Variants in OSBPL3 observed in about 807,000 individuals in gnomAD.
OSBPL3 encodes oxysterol-binding protein-related protein 3.
OSBPL3 carries 65 observed loss-of-function variants against 120.1 expected under a neutral mutation model. The ratio of observed to expected loss-of-function variants is 0.54; its 90% CI spans 0.44 to 0.67. OSBPL3 has a LOEUF of 0.67. Ranked by LOEUF, OSBPL3 falls within the 30% of genes least tolerant of loss-of-function variation. OSBPL3 has a pLI of 0.00. For missense variants in OSBPL3, 1,004 were observed against 1,082.1 expected (o/e 0.93, Z 1.01); for synonymous variants, 416 against 402.6 (o/e 1.03, Z -0.40).
In OSBPL3 at chr7:24,803,576, T is replaced by C. The variant is rs533913250; in HGVS notation, c.2567+739A>G. On this transcript the variant is annotated intron_variant, in intron 22 of 22. Coordinates refer to ENST00000313367, the MANE Select transcript of OSBPL3 (RefSeq NM_015550.4). This position sits in a 1 kb window ranked among gnomAD's most constrained non-coding sequence, Gnocchi z 4.2. Reference sequence around the variant, plus strand: ...TCACGAGGTCAGGAGATTGAGACCATCCTGGCCAACAAGGTGAAACCCCGT... The same window carrying C: ...TCACGAGGTCAGGAGATTGAGACCACCCTGGCCAACAAGGTGAAACCCCGT... 3.1e-4 allele frequency among the ~76,000 whole-genome samples: 47 copies of C among 152,136 alleles called. No homozygotes were observed. The highest frequency in any genetic ancestry group is 6.8e-3 in the Middle Eastern group (2 of 294).
At position 24,805,005 on chromosome 7, in the gene OSBPL3, G is replaced by C. The variant is rs1247462954; in HGVS notation, c.2445-568C>G. ...GACAATTTCCTATGGATAGACATTT[G>C]AATCATTTGAATCATTTTAATGTGA... On this transcript the variant is annotated intron_variant, in intron 21 of 22. Coordinates refer to ENST00000313367, the MANE Select transcript of OSBPL3 (RefSeq NM_015550.4). This position sits in a 1 kb window ranked among gnomAD's most constrained non-coding sequence, Gnocchi z 4.0. 1.3e-5 allele frequency among the ~76,000 whole-genome samples: 2 copies of C among 152,124 alleles called. No homozygotes were observed. The highest frequency in any genetic ancestry group is 4.8e-5 in the African/African-American group (2 of 41,416).
Position 24,964,892 on chromosome 7 carries a change from G to C in OSBPL3, c.-150+14994C>G, listed in dbSNP as rs1249560671. Among the ~76,000 whole-genome samples, 3 of 152,268 alleles carry C rather than the reference G, an allele frequency of 2.0e-5. 1 individual carries two copies. The South Asian group carries it at 6.2e-4, about 32-fold the overall frequency. ...GCTGTGATTAAAATAAGTAAAGTTG[G>C]ACAAACATTGAGCAATACCTAAGCA... On this transcript the variant is annotated intron_variant, in intron 1 of 22. Coordinates refer to ENST00000313367, the MANE Select transcript of OSBPL3 (RefSeq NM_015550.4). This position sits in a 1 kb window ranked among gnomAD's most constrained non-coding sequence, Gnocchi z 4.2.
In OSBPL3 at chr7:24,883,136, C is replaced by A. The variant is rs1267071581; in HGVS notation, c.96+9241G>T. Among the ~76,000 whole-genome samples, 4 of 152,094 alleles carry A rather than the reference C, an allele frequency of 2.6e-5. No homozygotes were observed. Among genetic ancestry groups the A allele is most frequent in the Non-Finnish European group, 5.9e-5 (4 of 68,014 alleles). On this transcript the variant is annotated intron_variant, in intron 2 of 22. Coordinates refer to ENST00000313367, the MANE Select transcript of OSBPL3 (RefSeq NM_015550.4). The surrounding 1 kb of genome is among the most constrained non-coding windows in gnomAD (Gnocchi z 5.4). The stretch of plus-strand genomic sequence containing the variant: ...TCACTACACAGGGCCCCAGGGACCA[C>A]GGGGCCAAGATGTGCCAGGAATGTG...
chr7:24,816,778 T>A, intron 17 of OSBPL3, 90 bp from the exon 18 acceptor site: 1 of 824,294 alleles, frequency 1.2e-6, no homozygotes, highest in Non-Finnish European at 2.1e-6. Context: ...AATCGCTATA[T>A]AGTACAACCT....
intron 2 of OSBPL3, among the ~76,000 whole-genome samples, chr7:24,886,646 T>C (rs781366689): frequency 6.6e-6 from 1 of 152,200 alleles, no homozygotes; most frequent in Non-Finnish European, 1.5e-5. Flanking sequence ...CTATGAGAAA[T>C]AAAAGGATGT....
rs764157743 is a variant in OSBPL3, at chr7:24,827,890, G to T, written c.1884+2878C>A. On this transcript the variant is annotated intron_variant, in intron 16 of 22. Coordinates refer to ENST00000313367, the MANE Select transcript of OSBPL3 (RefSeq NM_015550.4). The surrounding 1 kb of genome is among the most constrained non-coding windows in gnomAD (Gnocchi z 5.1). ...ACATCAAGTCCCCTTCAAACTACTT[G>T]TACTAGAAGTGGAGATATAGCATAT... is the stretch of plus-strand genomic sequence containing the variant. 6.6e-6 allele frequency among the ~76,000 whole-genome samples: 1 copy of T among 152,122 alleles called. No homozygotes were observed. Among genetic ancestry groups the T allele is most frequent in the African/African-American group, 2.4e-5 (1 of 41,408 alleles).
Position 24,930,338 on chromosome 7 carries a change from G to C in OSBPL3, c.-149-37717C>G, listed in dbSNP as rs1170598374. ...TGGGAAAAACTCAACACTTTTTGTTGTCAATTCCTGTCTAAACAAACAAAT... is the reference window on the plus strand; with the variant it reads ...TGGGAAAAACTCAACACTTTTTGTTCTCAATTCCTGTCTAAACAAACAAAT... On this transcript the variant is annotated intron_variant, in intron 1 of 22. Coordinates refer to ENST00000313367, the MANE Select transcript of OSBPL3 (RefSeq NM_015550.4). This position sits in a 1 kb window ranked among gnomAD's most constrained non-coding sequence, Gnocchi z 4.4. 6.6e-6 allele frequency among the ~76,000 whole-genome samples: 1 copy of C among 152,106 alleles called. No individual in the cohort carries two copies. The highest frequency in any genetic ancestry group is 1.9e-4 in the East Asian group (1 of 5,198).
chr7:24,800,398 C>T, intron 22 of OSBPL3, 119 bp from the exon 23 acceptor site: 2 of 606,942 alleles, frequency 3.3e-6, no homozygotes, highest in Non-Finnish European at 6.0e-6. Flanking sequence ...TTCAGCGTCC[C>T]AGAGTGTTGG....
At position 24,938,797 on chromosome 7, in the gene OSBPL3, G is replaced by C. The variant is rs766973936; in HGVS notation, c.-150+41089C>G. Among the ~76,000 whole-genome samples the C allele has an allele frequency of 0.03, 4,473 of 148,912 alleles. 118 individuals are homozygous for C. Among genetic ancestry groups the C allele is most frequent in the Non-Finnish European group, 0.046 (3,072 of 66,960 alleles). On this transcript the variant is annotated intron_variant, in intron 1 of 22. Coordinates refer to ENST00000313367, the MANE Select transcript of OSBPL3 (RefSeq NM_015550.4). This position sits in a 1 kb window ranked among gnomAD's most constrained non-coding sequence, Gnocchi z 5.8. Reference sequence around the variant, plus strand: ...TGTTTTGATGTGTGTGTGTGTGTGTGTGTGTGTGTGTGTGTGTGTGTGTGT... The same window carrying C: ...TGTTTTGATGTGTGTGTGTGTGTGTCTGTGTGTGTGTGTGTGTGTGTGTGT...
chr7:24,882,210 C>G (rs1022414816), intron 2 of OSBPL3, among the ~76,000 whole-genome samples: 1 of 152,084 alleles, frequency 6.6e-6, no homozygotes, highest in African/African-American at 2.4e-5. Flanking sequence ...TATCCATCAC[C>G]ACGTACATTG....
chr7:24,857,371 C>T (rs1276179030), intron 10 of OSBPL3, among the ~76,000 whole-genome samples: 1 of 152,190 alleles, frequency 6.6e-6, no homozygotes, highest in East Asian at 1.9e-4. Flanking sequence ...CTTGCTTTGC[C>T]ATCCTAAATC....
intron 1 of OSBPL3, among the ~76,000 whole-genome samples, chr7:24,961,613 C>T (rs1225736927): frequency 6.6e-6 from 1 of 152,156 alleles, no homozygotes; most frequent in Non-Finnish European, 1.5e-5. Context: ...ATAATGCAGG[C>T]CCTCACCAGA....
intron 12 of OSBPL3, among the ~76,000 whole-genome samples, chr7:24,844,504 A>G (rs1798160585): frequency 6.6e-6 from 1 of 152,186 alleles, no homozygotes; most frequent in South Asian, 2.1e-4. Context: ...AAATTAAATA[A>G]ACAGAGAAAA....
In OSBPL3 at chr7:24,959,913, G is replaced by A. The variant is rs1248644205; in HGVS notation, c.-150+19973C>T. Among the ~76,000 whole-genome samples the A allele has an allele frequency of 6.6e-6, 1 of 152,058 alleles. No homozygotes were observed. The highest frequency in any genetic ancestry group is 1.5e-5 in the Non-Finnish European group (1 of 67,996). ...CCGAAACAATGCATGAGTCACAAAT[G>A]GTATTCAAATTTTTTGATTAAGAAT... On this transcript the variant is annotated intron_variant, in intron 1 of 22. Coordinates refer to ENST00000313367, the MANE Select transcript of OSBPL3 (RefSeq NM_015550.4). The surrounding 1 kb of genome is among the most constrained non-coding windows in gnomAD (Gnocchi z 4.3).
rs1344048282 is a variant in OSBPL3 at position 24,834,725 on chromosome 7, C to G, written c.1507G>C (p.Asp503His). Reference sequence around the variant, plus strand: ...CGGGACTTCGCTTCCCGACCACTATCAAGGACAGGCCCTGAAAGGGAAAGA... The same window carrying G: ...CGGGACTTCGCTTCCCGACCACTATGAAGGACAGGCCCTGAAAGGGAAAGA... The part of the protein sequence containing the change: ...NERQTLGPVL[D>H]SGREAKSRRR... Residue 503 changes from aspartate to histidine, a missense_variant, in exon 15 of 23, where the codon GAT (aspartate) becomes CAT (histidine). Transcript: ENST00000313367. This position sits in a 1 kb window ranked among gnomAD's most constrained non-coding sequence, Gnocchi z 5.2. The G allele has an allele frequency of 1.2e-6, 2 of 1,609,572 alleles. No individual in the cohort carries two copies. Among genetic ancestry groups the G allele is most frequent in the Admixed American group, 1.7e-5 (1 of 59,696 alleles).
In OSBPL3 at chr7:24,852,985, G is replaced by T. The variant is rs1314611202; in HGVS notation, c.1028-351C>A. 6.6e-6 allele frequency among the ~76,000 whole-genome samples: 1 copy of T among 152,124 alleles called. No individual in the cohort carries two copies. Among genetic ancestry groups the T allele is most frequent in the Non-Finnish European group, 1.5e-5 (1 of 68,014 alleles). ...TCAATTTTGCTATGGACCTAAAACTGCTAGAAAAAATTAAGTCTATTAAAA... is the reference window on the plus strand; with the variant it reads ...TCAATTTTGCTATGGACCTAAAACTTCTAGAAAAAATTAAGTCTATTAAAA... On this transcript the variant is annotated intron_variant, in intron 10 of 22. Transcript: ENST00000313367. The surrounding 1 kb of genome is among the most constrained non-coding windows in gnomAD (Gnocchi z 4.1).
chr7:24,870,214 G>A (rs1801907125), intron 5 of OSBPL3, among the ~76,000 whole-genome samples: 2 of 152,152 alleles, frequency 1.3e-5, no homozygotes, highest in South Asian at 2.1e-4. Flanking sequence ...CCACCTGTAG[G>A]AGAGACAGCA....
Position 24,834,446 on chromosome 7 carries a change from A to G in OSBPL3, c.1746+40T>C, listed in dbSNP as rs1584297356. On this transcript the variant is annotated intron_variant, in intron 15 of 22. Transcript: ENST00000313367. This position sits in a 1 kb window ranked among gnomAD's most constrained non-coding sequence, Gnocchi z 5.2. ...CCGTGAATGGCCTCGTGGCTTGGGG[A>G]CCGAGGCTGGACAGTGGCAAGGGAA... 1.3e-6 allele frequency: 2 copies of G among 1,576,414 alleles called. No individual in the cohort carries two copies. Among genetic ancestry groups the G allele is most frequent in the South Asian group, 1.2e-5 (1 of 84,722 alleles).
At position 24,802,042 on chromosome 7, in the gene OSBPL3, T is replaced by C. The variant is rs779341552; in HGVS notation, c.2568-1763A>G. On this transcript the variant is annotated intron_variant, in intron 22 of 22. Transcript: ENST00000313367. The surrounding 1 kb of genome is among the most constrained non-coding windows in gnomAD (Gnocchi z 4.1). Reference sequence around the variant, plus strand: ...CAAAGAGTATGTGCATTTGTGATTCTGACTGATATTACCATATGGTTTAGA... The same window carrying C: ...CAAAGAGTATGTGCATTTGTGATTCCGACTGATATTACCATATGGTTTAGA... 2.6e-5 allele frequency among the ~76,000 whole-genome samples: 4 copies of C among 152,260 alleles called. No homozygotes were observed. Among genetic ancestry groups the C allele is most frequent in the Non-Finnish European group, 4.4e-5 (3 of 68,044 alleles).
Sources: gnomAD v4.1 joint callset for allele counts (sites outside exome capture counted in the v4.1 genomes callset) on GRCh38, gnomAD v4.1.1 for gene constraint, Gnocchi (gnomAD v3.1) non-coding constraint, MANE v1.5 for transcripts, NCBI Gene and HGNC (gene_info 2026-07-23, HGNC 2026-07-21) for gene names.